DLGAP1: variants seen among roughly 807,000 people sequenced by gnomAD.
DLGAP1 encodes the protein disks large-associated protein 1.
In DLGAP1, 11 loss-of-function variants were observed where a neutral mutation model predicts 90.8. The observed-to-expected ratio is 0.12, with a 90% CI of 0.08 to 0.20. The LOEUF (loss-of-function observed/expected upper bound fraction) is 0.20, where lower values mean the gene tolerates loss of function less well. Ranked by LOEUF, DLGAP1 falls within the 10% of genes least tolerant of loss-of-function variation. The probability of loss-of-function intolerance (pLI) is 1.00; values close to 1 mark genes in which losing one functional copy is unlikely to be tolerated. For synonymous variants in DLGAP1, 558 were observed against 540.7 expected (o/e 1.03, Z -0.44); for missense variants, 1,050 against 1,333.8 (o/e 0.79, Z 3.31).
chr18:4,218,828 C>CACAT (rs1470073948), intron 1 of DLGAP1, among the ~76,000 whole-genome samples: 6 of 140,098 alleles, frequency 4.3e-5, no homozygotes. Flanking sequence ...TACATACATA[C>CACAT]ACACACACAC....
chr18:3,820,614 G>C (rs2067355831), intron 4 of DLGAP1, among the ~76,000 whole-genome samples: 1 of 152,180 alleles, frequency 6.6e-6, no homozygotes. Context: ...GGATCAACCT[G>C]TTTGACTTTC....
intron 1 of DLGAP1, among the ~76,000 whole-genome samples, chr18:4,391,477 C>A (rs2144427030): frequency 6.6e-6 from 1 of 152,198 alleles, no homozygotes; most frequent in Non-Finnish European, 1.5e-5. Flanking sequence ...TCTTTGCTAC[C>A]TCAAATGCCG....
chr18:4,313,216 G>A (rs1297818793), intron 1 of DLGAP1, among the ~76,000 whole-genome samples: 1 of 152,124 alleles, frequency 6.6e-6, no homozygotes, highest in Non-Finnish European at 1.5e-5. Context: ...AATAATAGAA[G>A]CACTAAATAA....
intron 3 of DLGAP1, among the ~76,000 whole-genome samples, chr18:3,944,862 G>A (rs768064145): frequency 1.8e-4 from 27 of 152,166 alleles, no homozygotes; most frequent in Non-Finnish European, 3.7e-4. Context: ...CAAAAAAAAC[G>A]ATGAGATTGG....
chr18:4,177,023 C>T (rs541887067), intron 1 of DLGAP1, among the ~76,000 whole-genome samples: 2 of 152,248 alleles, frequency 1.3e-5, no homozygotes, highest in South Asian at 4.1e-4. Context: ...AGGTCAGCAG[C>T]TTCACCAGGA....
intron 3 of DLGAP1, among the ~76,000 whole-genome samples, chr18:4,001,146 C>A (rs1226710861): frequency 6.0e-5 from 9 of 151,198 alleles, no homozygotes; most frequent in African/African-American, 1.7e-4. Context: ...TCTTAAGGAA[C>A]TTTCTGCAGT....
chr18:3,918,621 T>C (rs1212446869), intron 3 of DLGAP1, among the ~76,000 whole-genome samples: 11 of 152,302 alleles, frequency 7.2e-5, no homozygotes, highest in Non-Finnish European at 1.5e-4. Flanking sequence ...CCCCCTAAGT[T>C]TTCTCTGAAA....
At chr18:4,421,706 G>C (rs903574626) in intron 1 of DLGAP1, among the ~76,000 whole-genome samples, 1 of 152,020 alleles carries the variant, frequency 6.6e-6, no homozygotes, top group African/African-American at 2.4e-5. Flanking sequence ...TAGTTTTTTA[G>C]TTTTTATTTT....
chr18:3,614,486 G>T (rs1336677614), intron 7 of DLGAP1, among the ~76,000 whole-genome samples: 1 of 152,026 alleles, frequency 6.6e-6, no homozygotes, highest in Non-Finnish European at 1.5e-5. Flanking sequence ...CATAATATTT[G>T]ATATGAAAAT....
chr18:3,763,891 A>G (rs1183008984), intron 5 of DLGAP1, among the ~76,000 whole-genome samples: 5 of 152,012 alleles, frequency 3.3e-5, no homozygotes, highest in African/African-American at 1.2e-4. Context: ...CGAACTACTG[A>G]CCTCAGGTGA....
chr18:4,124,986 G>A (rs1483607698), intron 2 of DLGAP1, among the ~76,000 whole-genome samples: 1 of 152,172 alleles, frequency 6.6e-6, no homozygotes, highest in Non-Finnish European at 1.5e-5. Flanking sequence ...GCAAGCATGG[G>A]GTCCAGGTTG....
intron 9 of DLGAP1, among the ~76,000 whole-genome samples, chr18:3,538,087 G>A (rs2052477586): frequency 6.6e-6 from 1 of 152,096 alleles, no homozygotes; most frequent in Non-Finnish European, 1.5e-5. Flanking sequence ...ATACAGACAA[G>A]TAGTTATTTG....
chr18:3,564,741 C>A (rs1485190785), intron 9 of DLGAP1, among the ~76,000 whole-genome samples: 1 of 152,164 alleles, frequency 6.6e-6, no homozygotes, highest in Non-Finnish European at 1.5e-5. Flanking sequence ...CGTTTTCTTA[C>A]CCTGTGCTGG....
At chr18:4,188,675 A>G (rs1276962793) in intron 1 of DLGAP1, among the ~76,000 whole-genome samples, 2 of 152,164 alleles carry the variant, frequency 1.3e-5, no homozygotes, top group Non-Finnish European at 2.9e-5. Flanking sequence ...ATAGTATTCC[A>G]TGGTGTAGGT....
intron 7 of DLGAP1, among the ~76,000 whole-genome samples, chr18:3,630,061 G>A (rs2058467577): frequency 1.3e-5 from 2 of 152,100 alleles, no homozygotes; most frequent in South Asian, 2.1e-4. Flanking sequence ...ACTTGACTGG[G>A]CCATGTGGTA....
intron 1 of DLGAP1, among the ~76,000 whole-genome samples, chr18:4,281,661 C>T (rs777331881): frequency 6.6e-6 from 1 of 152,086 alleles, no homozygotes; most frequent in East Asian, 1.9e-4. Context: ...CCCACAACAC[C>T]AAGTGAAGAG....
chr18:4,197,860 A>G (rs563423519), intron 1 of DLGAP1, among the ~76,000 whole-genome samples: 2 of 152,300 alleles, frequency 1.3e-5, no homozygotes, highest in East Asian at 3.9e-4. Context: ...CTTATTTCCC[A>G]GGGCCCTCAT....
At chr18:3,742,566 C>A in intron 5 of DLGAP1, 54 bp from the exon 6 acceptor site, 1 of 1,597,034 alleles carries the variant, frequency 6.3e-7, no homozygotes, top group Non-Finnish European at 8.6e-7. Context: ...ATGCAGGAAG[C>A]AATAACATGT....
chr18:3,850,475 A>AT (rs1326221005), intron 4 of DLGAP1, among the ~76,000 whole-genome samples: 13 of 152,234 alleles, frequency 8.5e-5, no homozygotes, highest in African/African-American at 3.1e-4. Context: ...CAATGAAGAC[A>AT]TTTTTCTTTT....
Sources: gnomAD v4.1 joint callset for allele counts (sites outside exome capture counted in the v4.1 genomes callset) on GRCh38, gnomAD v4.1.1 for gene constraint, MANE v1.5 for transcripts, NCBI Gene and HGNC (gene_info 2026-07-23, HGNC 2026-07-21) for gene names.